Variants in ZNF469 observed in about 807,000 individuals in gnomAD.
ZNF469 encodes the protein zinc finger protein 469.
A neutral mutation model predicts 1.0 loss-of-function variants in ZNF469; 1 was observed. The observed-to-expected ratio is 1.00, with a 90% CI of 0.35 to 4.73. ZNF469 has a LOEUF of 4.73. ZNF469 is among the 30% of genes most tolerant of loss of function. The pLI is 0.16. For synonymous variants in ZNF469, 2,703 were observed against 2,363.4 expected (o/e 1.14, Z -4.17); for missense variants, 6,100 against 5,356.3 (o/e 1.14, Z -4.33).
the ZNF469 span, among the ~76,000 whole-genome samples, chr16:88,114,575 A>G: frequency 6.6e-6 from 1 of 152,224 alleles, no homozygotes; most frequent in Non-Finnish European, 1.5e-5. Context: ...TTCCCAGGCC[A>G]TGAGCTGGGG....
chr16:88,379,532 CAGG>C (rs2092515981), upstream of ZNF469, among the ~76,000 whole-genome samples: 1 of 152,092 alleles, frequency 6.6e-6, no homozygotes, highest in African/African-American at 2.4e-5. Context: ...GGACGGGAAT[CAGG>C]AGGCCAAGCC....
the ZNF469 span, among the ~76,000 whole-genome samples, chr16:88,193,297 G>GGGA: frequency 1.4e-5 from 2 of 147,040 alleles, no homozygotes; most frequent in African/African-American, 5.0e-5. Context: ...GATGGTGGTG[G>GGGA]TGGGGTTGGT....
the ZNF469 span, among the ~76,000 whole-genome samples, chr16:88,250,093 A>G: frequency 6.6e-6 from 1 of 152,272 alleles, no homozygotes; most frequent in East Asian, 1.9e-4. Context: ...ATGTGCAGAA[A>G]AGCGAAGCTG....
chr16:88,245,044 A>T, the ZNF469 span, among the ~76,000 whole-genome samples: 1 of 152,056 alleles, frequency 6.6e-6, no homozygotes, highest in Non-Finnish European at 1.5e-5. Context: ...GCAGCAGGAC[A>T]CACCCGTAGG....
the ZNF469 span, among the ~76,000 whole-genome samples, chr16:88,201,324 G>A: frequency 6.6e-6 from 1 of 152,180 alleles, no homozygotes; most frequent in Admixed American, 6.5e-5. The surrounding 1 kb of genome is among the most constrained non-coding windows in gnomAD (Gnocchi z 5.0). Context: ...AAAGGTCAAG[G>A]CAGGTGGATC....
the ZNF469 span, among the ~76,000 whole-genome samples, chr16:88,239,453 A>G: frequency 6.7e-6 from 1 of 149,280 alleles, no homozygotes; most frequent in Non-Finnish European, 1.5e-5. Context: ...TGATGGGATC[A>G]GGAATGGGTC....
chr16:88,310,280 C>G, the ZNF469 span, among the ~76,000 whole-genome samples: 2 of 152,070 alleles, frequency 1.3e-5, no homozygotes, highest in Non-Finnish European at 2.9e-5. Flanking sequence ...GGGAGGGAAG[C>G]AGAATTTCTT....
the ZNF469 span, among the ~76,000 whole-genome samples, chr16:88,358,744 A>C: frequency 2.0e-5 from 3 of 151,704 alleles, no homozygotes; most frequent in East Asian, 3.9e-4. Context: ...TTTGAGACCG[A>C]GTCTTGCTAT....
chr16:88,224,638 A>C, the ZNF469 span, among the ~76,000 whole-genome samples: 4 of 152,268 alleles, frequency 2.6e-5, no homozygotes, highest in African/African-American at 9.6e-5. Context: ...TCTGGGCTGC[A>C]CCTCAATCCA....
the ZNF469 span, among the ~76,000 whole-genome samples, chr16:88,355,099 C>CGCAGAACACTGG: frequency 1.3e-5 from 2 of 152,078 alleles, no homozygotes; most frequent in African/African-American, 2.4e-5. Flanking sequence ...GGGCAGGGGG[C>CGCAGAACACTGG]GCAGAACACT....
Position 88,429,329 on chromosome 16 carries a change from CAG to C in ZNF469, c.1862_1863del (p.Glu621GlyfsTer116). 6.5e-7 allele frequency: 1 copy of C among 1,549,966 alleles called. No homozygotes were observed. The highest frequency in any genetic ancestry group is 8.7e-7 in the Non-Finnish European group (1 of 1,146,866). ...TCCAGCAGCCCAGCCAACCCCAGCT[CAG>C]AGGAAAGCCAGCTCCCCGGCCCCCT... On this transcript the variant is annotated frameshift_variant, in exon 3 of 3. Transcript: ENST00000565624. LOFTEE classifies it low-confidence loss of function (END_TRUNC).
the ZNF469 span, among the ~76,000 whole-genome samples, chr16:88,288,704 G>A: frequency 2.0e-5 from 3 of 152,196 alleles, no homozygotes; most frequent in African/African-American, 7.2e-5. Context: ...TGGAAAGATT[G>A]AGACCTGCTT....
the ZNF469 span, among the ~76,000 whole-genome samples, chr16:88,234,303 T>A: frequency 5.6e-3 from 853 of 152,382 alleles, 5 homozygotes; most frequent in African/African-American, 0.019. Context: ...AACTGTCAGC[T>A]TCCTATATTA....
the ZNF469 span, among the ~76,000 whole-genome samples, chr16:88,236,990 G>T: frequency 6.6e-6 from 1 of 151,806 alleles, no homozygotes; most frequent in Admixed American, 6.6e-5. Flanking sequence ...AAATAGAGCA[G>T]ATAACAATTA....
chr16:88,337,573 ACT>A, the ZNF469 span, among the ~76,000 whole-genome samples: 5 of 151,962 alleles, frequency 3.3e-5, no homozygotes, highest in African/African-American at 1.2e-4. Flanking sequence ...TCCCAGCGTC[ACT>A]CTCTGATTGT....
the ZNF469 span, among the ~76,000 whole-genome samples, chr16:88,246,805 A>T: frequency 1.3e-5 from 2 of 151,408 alleles, no homozygotes; most frequent in Non-Finnish European, 1.5e-5. Context: ...AAATGAGTGA[A>T]TGAGGGAGTG....
chr16:88,244,410 TGG>T, the ZNF469 span, among the ~76,000 whole-genome samples: 5 of 149,298 alleles, frequency 3.3e-5, no homozygotes, highest in Non-Finnish European at 5.9e-5. Context: ...GATGGATGGA[TGG>T]ATGGATGGAT....
intron 1 of ZNF469, among the ~76,000 whole-genome samples, chr16:88,386,201 G>A (rs1288029104): frequency 6.6e-6 from 1 of 152,116 alleles, no homozygotes; most frequent in Admixed American, 6.5e-5. Flanking sequence ...GCAGGGTGGG[G>A]AGGAGACCTG....
the ZNF469 span, among the ~76,000 whole-genome samples, chr16:88,110,245 G>T: frequency 6.6e-6 from 1 of 152,178 alleles, no homozygotes; most frequent in African/African-American, 2.4e-5. Context: ...TCAGACCCCC[G>T]GGGGGCCGCC....
Sources: allele counts gnomAD v4.1 joint callset (sites outside exome capture counted in the v4.1 genomes callset), GRCh38; gene constraint gnomAD v4.1.1; non-coding constraint Gnocchi (gnomAD v3.1); transcripts MANE v1.5; gene names NCBI Gene and HGNC (gene_info 2026-07-23, HGNC 2026-07-21).